UBE2E2: variants seen among roughly 807,000 people sequenced by gnomAD.
UBE2E2 encodes ubiquitin conjugating enzyme E2 E2, also known as ubiquitin-conjugating enzyme E2 E2.
Under a neutral mutation model 24.7 loss-of-function variants are expected in UBE2E2, and 6 were observed. The ratio of observed to expected loss-of-function variants is 0.24; its 90% CI spans 0.13 to 0.48. UBE2E2 has a LOEUF of 0.48. Ranked by LOEUF, UBE2E2 falls within the 20% of genes least tolerant of loss-of-function variation. The pLI, the probability that UBE2E2 is intolerant of heterozygous loss-of-function variation, is 0.99. For missense variants in UBE2E2, 169 were observed against 245.0 expected, an observed-to-expected ratio of 0.69 and a Z score of 2.07; for synonymous variants, 104 against 83.6, an observed-to-expected ratio of 1.24 and a Z score of -1.33.
intron 3 of UBE2E2, among the ~76,000 whole-genome samples, chr3:23,479,827 AAGTCTGGCTG>A (rs1320121302): frequency 5.3e-5 from 8 of 152,120 alleles, no homozygotes; most frequent in African/African-American, 1.4e-4. Context: ...AGGAGTGTGT[AAGTCTGGCTG>A]AGTCTGGGGT....
chr3:23,336,457 T>C (rs1695213537), intron 3 of UBE2E2, among the ~76,000 whole-genome samples: 1 of 152,206 alleles, frequency 6.6e-6, no homozygotes, highest in African/African-American at 2.4e-5. Context: ...AATCACATGA[T>C]AGTAAAAGTT....
At chr3:23,525,042 AG>A (rs1459270515) in intron 4 of UBE2E2, among the ~76,000 whole-genome samples, 2 of 152,102 alleles carry the variant, frequency 1.3e-5, no homozygotes, top group African/African-American at 4.8e-5. Context: ...TTGAGGCTTT[AG>A]GGGAAAAATC....
intron 3 of UBE2E2, among the ~76,000 whole-genome samples, chr3:23,418,492 C>G (rs1291243847): frequency 2.0e-5 from 3 of 152,206 alleles, no homozygotes; most frequent in South Asian, 2.1e-4. Context: ...ATTTGGCCAT[C>G]TTCAAGCCAG....
intron 5 of UBE2E2, among the ~76,000 whole-genome samples, chr3:23,540,566 A>G (rs1283741955): frequency 6.6e-6 from 1 of 152,074 alleles, no homozygotes; most frequent in East Asian, 1.9e-4. Flanking sequence ...CACCACGCCC[A>G]GCTAATTTTT....
At chr3:23,578,929 A>G (rs898288082) in intron 5 of UBE2E2, among the ~76,000 whole-genome samples, 1 of 152,162 alleles carries the variant, frequency 6.6e-6, no homozygotes, top group Non-Finnish European at 1.5e-5. Context: ...TGAACTTAAA[A>G]GTTAAAAAAA....
At chr3:23,567,355 C>G (rs542034450) in intron 5 of UBE2E2, among the ~76,000 whole-genome samples, 5 of 152,228 alleles carry the variant, frequency 3.3e-5, no homozygotes, top group Admixed American at 3.3e-4. Flanking sequence ...AACATGTTGC[C>G]TAAGGGGTTT....
chr3:23,470,327 A>G (rs912083316), intron 3 of UBE2E2, among the ~76,000 whole-genome samples: 1 of 152,112 alleles, frequency 6.6e-6, no homozygotes, highest in African/African-American at 2.4e-5. Flanking sequence ...CCTCCCCCCA[A>G]TCCGGGGTTT....
intron 3 of UBE2E2, among the ~76,000 whole-genome samples, chr3:23,423,643 CGTGT>C (rs1697855494): frequency 6.6e-6 from 1 of 152,040 alleles, no homozygotes; most frequent in South Asian, 2.1e-4. Context: ...ATGTCCAGTG[CGTGT>C]ATTTATTTCT....
At chr3:23,327,996 A>G (rs1408796739) in intron 3 of UBE2E2, among the ~76,000 whole-genome samples, 1 of 152,174 alleles carries the variant, frequency 6.6e-6, no homozygotes, top group Non-Finnish European at 1.5e-5. Context: ...CTTATTGTAC[A>G]TATTATATGC....
chr3:23,299,035 G>T (rs1454854444), intron 3 of UBE2E2, among the ~76,000 whole-genome samples: 1 of 152,160 alleles, frequency 6.6e-6, no homozygotes, highest in African/African-American at 2.4e-5. Context: ...ATATGTCAGG[G>T]AATTAATCCA....
chr3:23,373,526 C>T (rs1696445928), intron 3 of UBE2E2, among the ~76,000 whole-genome samples: 1 of 152,132 alleles, frequency 6.6e-6, no homozygotes, highest in Admixed American at 6.5e-5. Context: ...ATGGAAAACA[C>T]TTCCAGTTAA....
chr3:23,294,676 A>T (rs960928117), intron 3 of UBE2E2, among the ~76,000 whole-genome samples: 5 of 133,934 alleles, frequency 3.7e-5, no homozygotes, highest in Non-Finnish European at 8.2e-5. Context: ...AATAAATATA[A>T]TATTTATTTA....
chr3:23,475,686 G>A (rs989181732), intron 3 of UBE2E2, among the ~76,000 whole-genome samples: 1 of 152,044 alleles, frequency 6.6e-6, no homozygotes, highest in African/African-American at 2.4e-5. Context: ...ACAGATGGAA[G>A]CATACTCTTG....
intron 4 of UBE2E2, among the ~76,000 whole-genome samples, chr3:23,506,830 G>C (rs1039567123): frequency 6.6e-6 from 1 of 151,946 alleles, no homozygotes; most frequent in African/African-American, 2.4e-5. Context: ...ATGGGGTTTC[G>C]CCATGTTGCC....
chr3:23,533,823 G>A (rs997744865), intron 5 of UBE2E2, among the ~76,000 whole-genome samples: 4 of 151,742 alleles, frequency 2.6e-5, no homozygotes, highest in East Asian at 1.9e-4. Context: ...GGGTTTCACC[G>A]TGTTGGCCAG....
intron 3 of UBE2E2, among the ~76,000 whole-genome samples, chr3:23,403,808 C>CA (rs375422962): frequency 0.02 from 1,606 of 81,726 alleles, 36 homozygotes; most frequent in African/African-American, 0.047. Context: ...ATTCCGTCTC[C>CA]AAAAAAAAAA....
chr3:23,315,265 T>A (rs1694540823), intron 3 of UBE2E2, among the ~76,000 whole-genome samples: 2 of 151,130 alleles, frequency 1.3e-5, no homozygotes, highest in African/African-American at 4.9e-5. Flanking sequence ...ACTGCTAGGC[T>A]ACCTTTGATG....
rs1694397244 is a variant in UBE2E2, at chr3:23,504,809, C to G, written c.360+5069C>G. ...AATTAACAAGGATGCTTGAAGAATT[C>G]AGAAACTAATGGAATATATTATGTT... On this transcript the variant is annotated intron_variant, in intron 4 of 5. Transcript: ENST00000396703. Among the ~76,000 whole-genome samples the G allele has an allele frequency of 2.0e-5, 3 of 151,640 alleles. No homozygotes were observed. In the South Asian group the frequency reaches 6.3e-4, roughly 32 times the overall value.
intron 3 of UBE2E2, among the ~76,000 whole-genome samples, chr3:23,372,505 A>G (rs962434773): frequency 6.6e-6 from 1 of 152,086 alleles, no homozygotes; most frequent in African/African-American, 2.4e-5. Context: ...TAACCTTGCT[A>G]TTTGTATTCT....
Sources: gnomAD v4.1 joint callset for allele counts (sites outside exome capture counted in the v4.1 genomes callset) on GRCh38, gnomAD v4.1.1 for gene constraint, MANE v1.5 for transcripts, NCBI Gene and HGNC (gene_info 2026-07-23, HGNC 2026-07-21) for gene names.